EVI5L: variants seen among roughly 807,000 people sequenced by gnomAD.
EVI5L encodes the protein EVI5-like protein.
In EVI5L, 30 loss-of-function variants were observed where a neutral mutation model predicts 106.1. That is an observed-to-expected ratio of 0.28 (90% CI 0.21 to 0.38). EVI5L has a LOEUF of 0.38. Ranked by LOEUF, EVI5L falls within the 10% of genes least tolerant of loss-of-function variation. The pLI is 1.00. For synonymous variants in EVI5L, 489 were observed against 483.3 expected (o/e 1.01, Z -0.15); for missense variants, 809 against 1,098.0 (o/e 0.74, Z 3.72).
chr19:7,834,867 T>C (rs1978318316), intron 1 of EVI5L, among the ~76,000 whole-genome samples: 1 of 152,194 alleles, frequency 6.6e-6, no homozygotes, highest in Non-Finnish European at 1.5e-5. Context: ...GGCTCACGCC[T>C]ATAATCCCAG....
rs1192033038 is a variant in EVI5L at position 7,857,024 on chromosome 19, C to A, written c.1201-68C>A. On this transcript the variant is annotated intron_variant, in intron 11 of 19. Transcript: ENST00000538904. This position sits in a 1 kb window ranked among gnomAD's most constrained non-coding sequence, Gnocchi z 4.5. ...GACAAGTGGTTCTTGTCTGTCTCCC[C>A]TCTCCTGTCCCCGCGCCTTCCGCTC... 1 of 1,519,636 alleles carries A rather than the reference C, an allele frequency of 6.6e-7. No homozygotes were observed. The highest frequency in any genetic ancestry group is 8.9e-7 in the Non-Finnish European group (1 of 1,117,894). 94.1% of individuals were successfully genotyped at this position (1,519,636 alleles called of 1,614,324 possible).
chr19:7,857,186 A>G lies in EVI5L; in HGVS notation c.1233+62A>G. The G allele has an allele frequency of 1.3e-6, 2 of 1,542,988 alleles. No homozygotes were observed. Among genetic ancestry groups the G allele is most frequent in the South Asian group, 1.2e-5 (1 of 83,870 alleles). Reference sequence around the variant, plus strand: ...CTGGCCCCTTCCCTGCACCCTGCACATGACAGCCAGTAACCGCCTCTTCCC... The same window carrying G: ...CTGGCCCCTTCCCTGCACCCTGCACGTGACAGCCAGTAACCGCCTCTTCCC... On this transcript the variant is annotated intron_variant, in intron 12 of 19. Transcript: ENST00000538904. This position sits in a 1 kb window ranked among gnomAD's most constrained non-coding sequence, Gnocchi z 4.5.
chr19:7,861,285 G>A (rs992972618), intron 14 of EVI5L, among the ~76,000 whole-genome samples: 2 of 152,192 alleles, frequency 1.3e-5, no homozygotes, highest in Non-Finnish European at 2.9e-5. Flanking sequence ...GCTGGGCTCC[G>A]CTCCCGCCTC....
In EVI5L at chr19:7,862,366, C is replaced by A. The variant is rs761632074; in HGVS notation, c.1801-22C>A. On this transcript the variant is annotated intron_variant, in intron 16 of 19. Coordinates refer to ENST00000538904, the MANE Select transcript of EVI5L (RefSeq NM_001159944.3). ...GGCCCTGACCGCCGCCGTCCTCCGT[C>A]CTCCCTTCCTCCCTATCCCAGGACC... The A allele has an allele frequency of 6.9e-6, 11 of 1,586,972 alleles. No homozygotes were observed. In the East Asian group the frequency reaches 2.5e-4, roughly 36 times the overall value.
chr19:7,846,498 A>G lies in EVI5L; in HGVS notation c.-45A>G, dbSNP rs1485654626. ...CCACGCATGTCTCTGGCCCCCAGAC[A>G]GAGCTGTGAACCAACCCCGCTCACG... is the stretch of plus-strand genomic sequence containing the variant. On this transcript the variant is annotated splice_region_variant and 5_prime_UTR_variant, in exon 2 of 20. Coordinates refer to ENST00000538904, the MANE Select transcript of EVI5L (RefSeq NM_001159944.3). 2.5e-6 allele frequency: 4 copies of G among 1,569,842 alleles called. No homozygotes were observed. The highest frequency in any genetic ancestry group is 2.7e-5 in the African/African-American group (2 of 72,994).
rs2085105620 is a variant in EVI5L, at chr19:7,850,692, C to G, written c.753+570C>G. Among the ~76,000 whole-genome samples, 1 of 152,156 alleles carries G rather than the reference C, an allele frequency of 6.6e-6. No individual in the cohort carries two copies. The highest frequency in any genetic ancestry group is 2.4e-5 in the African/African-American group (1 of 41,428). ...CAGTCATCCCTGGATGTGACAGCCC[C>G]ACTCCCTGGGCCTGGATCATGGACG... is the stretch of plus-strand genomic sequence containing the variant. On this transcript the variant is annotated intron_variant, in intron 6 of 19. Coordinates refer to ENST00000538904, the MANE Select transcript of EVI5L (RefSeq NM_001159944.3). The surrounding 1 kb of genome is among the most constrained non-coding windows in gnomAD (Gnocchi z 5.4).
At position 7,853,349 on chromosome 19, in the gene EVI5L, CA is replaced by C; in HGVS notation, c.1146+17del. 6.2e-7 allele frequency: 1 copy of C among 1,604,874 alleles called. No homozygotes were observed. On this transcript the variant is annotated intron_variant, in intron 10 of 19. Coordinates refer to ENST00000538904, the MANE Select transcript of EVI5L (RefSeq NM_001159944.3). The stretch of plus-strand genomic sequence containing the variant: ...CGAGATCAAAGTGAGTCCAGGGGCC[CA>C]GGGGCGGGGACAGGGATGGGAGGCC...
intron 1 of EVI5L, among the ~76,000 whole-genome samples, chr19:7,834,466 A>T (rs1309758835): frequency 6.6e-6 from 1 of 152,228 alleles, no homozygotes; most frequent in Admixed American, 6.5e-5. Context: ...AGGATTCTGC[A>T]GGTCAGAATG....
chr19:7,851,625 G>T lies in EVI5L; in HGVS notation c.897+48G>T, dbSNP rs748052133. 7.5e-6 allele frequency: 12 copies of T among 1,597,970 alleles called. No homozygotes were observed. The Admixed American group carries it at 1.8e-4, about 23-fold the overall frequency. ...GAGGGAAGAGAGCCCCTTGGGGGTG[G>T]TTGGAACAGGAGCCTCCCTGCCCTC... On this transcript the variant is annotated intron_variant, in intron 7 of 19. Transcript: ENST00000538904.
In EVI5L at chr19:7,845,947, C is replaced by T. The variant is rs1321353597; in HGVS notation, c.-47-549C>T. 1.3e-5 allele frequency among the ~76,000 whole-genome samples: 2 copies of T among 152,220 alleles called. No individual in the cohort carries two copies. Among genetic ancestry groups the T allele is most frequent in the Non-Finnish European group, 2.9e-5 (2 of 68,038 alleles). Reference sequence around the variant, plus strand: ...AGTCGACTCTTCTGGCCATTGGCAGCGCCAGACAATTAACAGTCGAAAGTA... The same window carrying T: ...AGTCGACTCTTCTGGCCATTGGCAGTGCCAGACAATTAACAGTCGAAAGTA... On this transcript the variant is annotated intron_variant, in intron 1 of 19. Transcript: ENST00000538904. This position sits in a 1 kb window ranked among gnomAD's most constrained non-coding sequence, Gnocchi z 4.0.
chr19:7,849,463 C>A, intron 5 of EVI5L, 133 bp downstream of exon 5: 3 of 967,542 alleles, frequency 3.1e-6, no homozygotes, highest in Admixed American at 2.5e-5. Context: ...TCTCCATCCA[C>A]ACCCGTGACC....
intron 6 of EVI5L, among the ~76,000 whole-genome samples, 163 bp from the exon 7 acceptor site, chr19:7,851,271 G>C (rs1979236713): frequency 6.6e-6 from 1 of 152,012 alleles, no homozygotes; most frequent in Non-Finnish European, 1.5e-5. Flanking sequence ...GGGGTGCTTC[G>C]GCCTCCCTCA....
rs1979947459 is a variant in EVI5L, at chr19:7,863,361, A to G, written c.2140-63A>G. 6.5e-7 allele frequency: 1 copy of G among 1,540,604 alleles called. No individual in the cohort carries two copies. The highest frequency in any genetic ancestry group is 2.5e-5 in the East Asian group (1 of 40,622). ...GCCGAGCGCAGGTGCCTTGCGGAGG[A>G]TGCGGCTGGGAGGGCGGGGCAGAAG... On this transcript the variant is annotated intron_variant, in intron 19 of 19. Transcript: ENST00000538904. This position sits in a 1 kb window ranked among gnomAD's most constrained non-coding sequence, Gnocchi z 7.7.
Position 7,851,573 on chromosome 19 carries a change from A to G in EVI5L, c.893A>G (p.Tyr298Cys). 1 of 1,612,312 alleles carries G rather than the reference A, an allele frequency of 6.2e-7. No individual in the cohort carries two copies. Among genetic ancestry groups the G allele is most frequent in the Non-Finnish European group, 8.5e-7 (1 of 1,179,244 alleles). ...VATRVFDIFM[Y>C]EGLEIVFRVG... ...ACCCGGGTCTTTGACATCTTCATGT[A>G]TGAGGTGAGGACCGATGGTGCCTGG... Residue 298 changes from tyrosine to cysteine, a missense_variant, in exon 7 of 20, where the codon TAT becomes TGT. By Grantham distance (194) the Tyr-to-Cys change is radical. Around this residue, in one of 2 missense-constraint regions of EVI5L, gnomAD observed 357 missense variants for 588.1 expected, o/e 0.61. Coordinates refer to ENST00000538904, the MANE Select transcript of EVI5L (RefSeq NM_001159944.3).
At chr19:7,861,841 G>T in intron 14 of EVI5L, 37 bp from the exon 15 acceptor site, 1 of 1,548,732 alleles carries the variant, frequency 6.5e-7, no homozygotes, top group Non-Finnish European at 8.7e-7. Flanking sequence ...ATGCGGCTGC[G>T]CTGCTCCCCC....
At position 7,850,354 on chromosome 19, in the gene EVI5L, C is replaced by G. The variant is rs1009687026; in HGVS notation, c.753+232C>G. Among the ~76,000 whole-genome samples the G allele has an allele frequency of 3.9e-5, 6 of 152,172 alleles. No homozygotes were observed. In the East Asian group the frequency reaches 9.6e-4, roughly 24 times the overall value. On this transcript the variant is annotated intron_variant, in intron 6 of 19. Transcript: ENST00000538904. The surrounding 1 kb of genome is among the most constrained non-coding windows in gnomAD (Gnocchi z 5.4). The stretch of plus-strand genomic sequence containing the variant: ...AAGGATGCTTGGAGGAACAGGAGAG[C>G]CACCACTGAAGGGGGGCTCCCAGGG...
At chr19:7,851,171 G>T (rs549737948) in intron 6 of EVI5L, among the ~76,000 whole-genome samples, 3 of 152,260 alleles carry the variant, frequency 2.0e-5, no homozygotes, top group African/African-American at 7.2e-5. Flanking sequence ...TGCCACGGGC[G>T]CATCACCTAC....
chr19:7,858,086 C>T lies in EVI5L; in HGVS notation c.1234-105C>T, dbSNP rs1201231175. ...GTACGGGAGGCCCCCACCTCACTTC[C>T]CCCCACCTCCACTCTCTGGGCCTCC... On this transcript the variant is annotated intron_variant, in intron 12 of 19. Coordinates refer to ENST00000538904, the MANE Select transcript of EVI5L (RefSeq NM_001159944.3). The surrounding 1 kb of genome is among the most constrained non-coding windows in gnomAD (Gnocchi z 5.7). The T allele has an allele frequency of 7.2e-7, 1 of 1,382,740 alleles. No homozygotes were observed. Among genetic ancestry groups the T allele is most frequent in the Non-Finnish European group, 9.8e-7 (1 of 1,024,134 alleles). The allele number at this position is 1,382,740 out of a possible 1,614,324, so 85.7% of individuals were successfully genotyped here. A position where few individuals can be genotyped will look rare whatever the true frequency, so the allele number is the denominator to read the frequency against.
chr19:7,848,417 C>T lies in EVI5L; in HGVS notation c.327+496C>T, dbSNP rs1158764447. Among the ~76,000 whole-genome samples, 2 of 151,954 alleles carry T rather than the reference C, an allele frequency of 1.3e-5. No homozygotes were observed. The highest frequency in any genetic ancestry group is 4.8e-5 in the African/African-American group (2 of 41,362). On this transcript the variant is annotated intron_variant, in intron 3 of 19. Transcript: ENST00000538904. The surrounding 1 kb of genome is among the most constrained non-coding windows in gnomAD (Gnocchi z 4.8). The stretch of plus-strand genomic sequence containing the variant: ...TTCAAGACCAGCCTGGCCAACATGG[C>T]GAAACTCCGACTCTACTAAAAATAC...
Sources: allele counts gnomAD v4.1 joint callset (sites outside exome capture counted in the v4.1 genomes callset), GRCh38; gene constraint gnomAD v4.1.1; regional missense constraint gnomAD v4.1.1; non-coding constraint Gnocchi (gnomAD v3.1); transcripts MANE v1.5; gene names NCBI Gene and HGNC (gene_info 2026-07-23, HGNC 2026-07-21).